The following EZH2 variants were observed in gnomAD, a reference collection of about 807,000 sequenced individuals.
EZH2 encodes histone-lysine N-methyltransferase EZH2.
EZH2 carries 18 observed loss-of-function variants against 98.4 expected under a neutral mutation model. That is an observed-to-expected ratio of 0.18 (90% CI 0.13 to 0.27). The LOEUF (loss-of-function observed/expected upper bound fraction) is 0.27. Ranked by LOEUF, EZH2 falls within the 10% of genes least tolerant of loss-of-function variation. The pLI is 1.00. For synonymous variants in EZH2, 338 were observed against 312.3 expected (o/e 1.08, Z -0.87); for missense variants, 470 against 935.1 (o/e 0.50, Z 6.49).
At chr7:148,815,480 A>G (rs375644681) in intron 13 of EZH2, 26 bp downstream of exon 13, 76 of 1,604,436 alleles carry the variant, frequency 4.7e-5, no homozygotes, top group Non-Finnish European at 6.4e-5. Flanking sequence ...TTAAGCTAAT[A>G]ATGAGAGGAA....
chr7:148,833,173 C>G lies in EZH2; in HGVS notation c.247-423G>C, dbSNP rs188431679. ...ATCTTACTTAATAAGAATAAGAAAA[C>G]TTGGGCCGGGCGCGGTGGCTCACGC... On this transcript the variant is annotated intron_variant, in intron 3 of 19. Transcript: ENST00000320356. Among the ~76,000 whole-genome samples the G allele has an allele frequency of 3.9e-3, 587 of 152,264 alleles. 2 individuals carry two copies. The highest frequency in any genetic ancestry group is 0.013 in the African/African-American group (551 of 41,568).
intron 3 of EZH2, 58 bp from the exon 4 acceptor site, chr7:148,832,808 G>A (rs958442218): frequency 2.7e-6 from 3 of 1,097,910 alleles, no homozygotes; most frequent in Non-Finnish European, 4.0e-6. Flanking sequence ...TTAAGCTGTA[G>A]CCATCATATT....
chr7:148,878,001 TAGAC>T (rs1177253952), intron 1 of EZH2, among the ~76,000 whole-genome samples: 1 of 152,188 alleles, frequency 6.6e-6, no homozygotes, highest in Non-Finnish European at 1.5e-5. Context: ...TCCTCCCCTG[TAGAC>T]AGTTTTCTTC....
At position 148,880,874 on chromosome 7, in the gene EZH2, A is replaced by G. The variant is rs577293988; in HGVS notation, c.-8+3290T>C. Among the ~76,000 whole-genome samples, 226 of 152,350 alleles carry G rather than the reference A, an allele frequency of 1.5e-3. 3 individuals carry two copies. The highest frequency in any genetic ancestry group is 4.9e-3 in the African/African-American group (205 of 41,580). Reference sequence around the variant, plus strand: ...AGAGCCTCTACCAGGAGGCACTTTGACTGTAGGGAAGAGAGGGATGCATAA... The same window carrying G: ...AGAGCCTCTACCAGGAGGCACTTTGGCTGTAGGGAAGAGAGGGATGCATAA... On this transcript the variant is annotated intron_variant, in intron 1 of 19. Coordinates refer to ENST00000320356, the MANE Select transcript of EZH2 (RefSeq NM_004456.5).
At chr7:148,819,150 T>C in intron 9 of EZH2, 2 of 418,872 alleles carry the variant, frequency 4.8e-6, no homozygotes, top group Admixed American at 3.2e-5. Flanking sequence ...TTACCTGTTC[T>C]CCATCATTTA....
At chr7:148,858,160 C>T (rs897146162) in intron 1 of EZH2, among the ~76,000 whole-genome samples, 4 of 151,650 alleles carry the variant, frequency 2.6e-5, no homozygotes, top group Admixed American at 2.0e-4. Context: ...GGCGTGGTGG[C>T]GGGCACCTGT....
chr7:148,859,818 C>G (rs983724627), intron 1 of EZH2, among the ~76,000 whole-genome samples: 1 of 152,090 alleles, frequency 6.6e-6, no homozygotes, highest in Non-Finnish European at 1.5e-5. Flanking sequence ...ATATCCGCAA[C>G]GCCTCAGTGA....
intron 12 of EZH2, among the ~76,000 whole-genome samples, chr7:148,815,953 G>T (rs779779653): frequency 6.6e-6 from 1 of 152,088 alleles, no homozygotes; most frequent in Non-Finnish European, 1.5e-5. Context: ...ATCTCCTAAA[G>T]CCTAAAAAAT....
At chr7:148,814,773 C>A in intron 14 of EZH2, 141 bp downstream of exon 14, 1 of 1,040,102 alleles carries the variant, frequency 9.6e-7, no homozygotes. Context: ...AGGTATGGGG[C>A]TCAATAAATA....
chr7:148,877,509 T>C (rs1484709400), intron 1 of EZH2, among the ~76,000 whole-genome samples: 1 of 152,186 alleles, frequency 6.6e-6, no homozygotes, highest in Non-Finnish European at 1.5e-5. Context: ...ATTTCACATG[T>C]ATCAATTCCT....
intron 19 of EZH2, 129 bp from the exon 20 acceptor site, chr7:148,807,835 A>T: frequency 1.8e-6 from 1 of 571,236 alleles, no homozygotes; most frequent in Non-Finnish European, 3.0e-6. Flanking sequence ...AAAAAAAAAA[A>T]ACCCATCCAA....
chr7:148,838,194 G>A (rs978622364), intron 3 of EZH2, among the ~76,000 whole-genome samples: 1 of 148,706 alleles, frequency 6.7e-6, no homozygotes, highest in African/African-American at 2.5e-5. Context: ...TCAGCCTCCC[G>A]AGTAGCTGGG....
chr7:148,808,567 G>A (rs1802148229), intron 19 of EZH2, among the ~76,000 whole-genome samples: 1 of 152,194 alleles, frequency 6.6e-6, no homozygotes, highest in Non-Finnish European at 1.5e-5. Context: ...CGTGTCCCAG[G>A]CATCCCCACA....
chr7:148,841,838 G>A (rs1420278336), intron 3 of EZH2, among the ~76,000 whole-genome samples: 3 of 152,112 alleles, frequency 2.0e-5, no homozygotes, highest in Admixed American at 6.5e-5. Context: ...AAAATGTTAA[G>A]TCCAAACTGC....
intron 8 of EZH2, among the ~76,000 whole-genome samples, chr7:148,825,583 C>T (rs112259099): frequency 1.3e-5 from 2 of 152,104 alleles, no homozygotes; most frequent in East Asian, 1.9e-4. Context: ...CTTAAAAAGA[C>T]GTTATCATTG....
chr7:148,834,727 G>A (rs982428456), intron 3 of EZH2, among the ~76,000 whole-genome samples: 1 of 152,134 alleles, frequency 6.6e-6, no homozygotes, highest in African/African-American at 2.4e-5. Context: ...ACACTCCAGA[G>A]CCCACAATCT....
Position 148,881,046 on chromosome 7 carries a change from G to C in EZH2, c.-8+3118C>G, listed in dbSNP as rs150648135. On this transcript the variant is annotated intron_variant, in intron 1 of 19. Coordinates refer to ENST00000320356, the MANE Select transcript of EZH2 (RefSeq NM_004456.5). ...AACCTTTCTCTGAATTTAATGAATT[G>C]CTGCTGTTCACTTATGCTCTCCCCC... Among the ~76,000 whole-genome samples the C allele has an allele frequency of 5.1e-3, 774 of 152,264 alleles. 5 individuals are homozygous for C. Among genetic ancestry groups the C allele is most frequent in the African/African-American group, 0.018 (734 of 41,544 alleles).
chr7:148,819,822 T>C, intron 8 of EZH2, 135 bp from the exon 9 acceptor site: 1 of 700,702 alleles, frequency 1.4e-6, no homozygotes, highest in East Asian at 2.7e-5. Flanking sequence ...TCATACAACT[T>C]TCCTTCAGGC....
intron 3 of EZH2, among the ~76,000 whole-genome samples, chr7:148,838,050 G>T (rs1488057017): frequency 6.8e-6 from 1 of 146,434 alleles, no homozygotes; most frequent in Non-Finnish European, 1.5e-5. Context: ...ACAGTATCGG[G>T]AAGTTTAGAC....
Sources: allele counts gnomAD v4.1 joint callset (sites outside exome capture counted in the v4.1 genomes callset), GRCh38; gene constraint gnomAD v4.1.1; transcripts MANE v1.5; gene names NCBI Gene and HGNC (gene_info 2026-07-23, HGNC 2026-07-21).